The following REV3L variants were observed in gnomAD, a reference collection of about 807,000 sequenced individuals.
The protein encoded by REV3L is REV3 like, DNA directed polymerase zeta catalytic subunit.
Under a neutral mutation model 299.4 loss-of-function variants are expected in REV3L, and 69 were observed. That is an observed-to-expected ratio of 0.23 (90% CI 0.19 to 0.28). REV3L has a LOEUF of 0.28. REV3L is among the 10% of genes least tolerant of loss of function. The pLI, the probability that REV3L is intolerant of heterozygous loss-of-function variation, is 1.00. For missense variants in REV3L, 3,128 were observed against 3,693.8 expected, an observed-to-expected ratio of 0.85 and a Z score of 3.97; for synonymous variants, 1,238 against 1,271.4, an observed-to-expected ratio of 0.97 and a Z score of 0.56.
intron 25 of REV3L, among the ~76,000 whole-genome samples, chr6:111,328,940 AT>A (rs1160929831): frequency 9.9e-5 from 15 of 151,942 alleles, no homozygotes; most frequent in South Asian, 4.2e-4. Context: ...TAGTTTTTGC[AT>A]TTTTGGTTAG....
chr6:111,360,410 G>T (rs1778526214), intron 16 of REV3L, among the ~76,000 whole-genome samples: 1 of 150,342 alleles, frequency 6.7e-6, no homozygotes, highest in Non-Finnish European at 1.5e-5. Context: ...TTTTTGTCCT[G>T]ATTGAGTATT....
At chr6:111,357,170 A>C (rs1252848475) in intron 17 of REV3L, 45 bp from the exon 18 acceptor site, 1 of 669,874 alleles carries the variant, frequency 1.5e-6, no homozygotes, top group Non-Finnish European at 2.2e-6. Flanking sequence ...ATTATATAAT[A>C]ATATACCTTC....
intron 1 of REV3L, among the ~76,000 whole-genome samples, chr6:111,461,418 G>C (rs1790762459): frequency 6.6e-6 from 1 of 152,018 alleles, no homozygotes; most frequent in South Asian, 2.1e-4. Flanking sequence ...GTTATTGTAA[G>C]AGAGTAAAAA....
intron 21 of REV3L, among the ~76,000 whole-genome samples, chr6:111,341,516 T>C (rs1776480576): frequency 6.6e-6 from 1 of 152,244 alleles, no homozygotes; most frequent in Non-Finnish European, 1.5e-5. Flanking sequence ...CTATACTTTT[T>C]CCATCCTCAC....
chr6:111,367,714 G>A lies in REV3L; in HGVS notation c.6074C>T (p.Thr2025Ile). 1 of 1,614,196 alleles carries A rather than the reference G, an allele frequency of 6.2e-7. No individual in the cohort carries two copies. The highest frequency in any genetic ancestry group is 1.3e-5 in the African/African-American group (1 of 75,058). Residue 2025 changes from threonine to isoleucine, a missense_variant, in exon 14 of 32, where the codon ACC becomes ATC. This residue lies in a region of REV3L where 2,409 missense variants were observed against 2,611.8 expected (regional missense o/e 0.92). Transcript: ENST00000368802. Reference protein sequence around the residue: ...EYERSKKLPKTKPTGVVKSAE... With the variant: ...EYERSKKLPKIKPTGVVKSAE... ...AGATTTTACAACTCCAGTTGGCTTG[G>A]TTTTAGGCAGTTTCTTGGAACGTTC...
intron 14 of REV3L, among the ~76,000 whole-genome samples, chr6:111,366,845 T>C (rs1333263442): frequency 6.6e-6 from 1 of 152,096 alleles, no homozygotes; most frequent in Non-Finnish European, 1.5e-5. Context: ...CCTGGGTATG[T>C]ATAAAAGCCA....
In REV3L at chr6:111,322,639, C is replaced by T. The variant is rs1228810673; in HGVS notation, c.8281G>A (p.Glu2761Lys). The stretch of plus-strand genomic sequence containing the variant: ...TCATTCACCAGTTTAATAGCTCGTT[C>T]CAAGGTCTCTCTGGCTTTGTGAACA... The part of the protein sequence containing the change: ...SIVHKARETL[E>K]RAIKLVNDTK... The change falls in exon 26 of 32, where the codon GAA becomes AAA. Residue 2761 changes from glutamate to lysine, a missense_variant. Physicochemically the swap from Glu to Lys is moderately conservative, Grantham distance 56 (BLOSUM62 1). Around this residue, in one of 9 missense-constraint regions of REV3L, gnomAD observed 37 missense variants for 100.1 expected, o/e 0.37. Transcript: ENST00000368802. 6.2e-7 allele frequency: 1 copy of T among 1,614,108 alleles called. No homozygotes were observed. The highest frequency in any genetic ancestry group is 1.1e-5 in the South Asian group (1 of 91,072).
At chr6:111,327,457 G>A (rs1461507000) in intron 25 of REV3L, among the ~76,000 whole-genome samples, 1 of 152,040 alleles carries the variant, frequency 6.6e-6, no homozygotes, top group Non-Finnish European at 1.5e-5. Flanking sequence ...TGGAGGCAGA[G>A]GTGGGAGGAT....
At chr6:111,301,032 G>T (rs538431190) in intron 31 of REV3L, among the ~76,000 whole-genome samples, 4 of 152,248 alleles carry the variant, frequency 2.6e-5, no homozygotes, top group African/African-American at 9.6e-5. Context: ...TCTTTTCTCA[G>T]CAAGGAATAA....
At chr6:111,369,285 A>C (rs1779545203) in intron 13 of REV3L, among the ~76,000 whole-genome samples, 1 of 150,066 alleles carries the variant, frequency 6.7e-6, no homozygotes, top group South Asian at 2.1e-4. Context: ...CTGTCTCAAA[A>C]AAAAAAAAAA....
At chr6:111,336,062 C>A (rs1377268244) in intron 21 of REV3L, among the ~76,000 whole-genome samples, 42 of 143,786 alleles carry the variant, frequency 2.9e-4, no homozygotes, top group South Asian at 4.3e-4. Context: ...ATGTTCATGG[C>A]AAAAAAAAAA....
intron 1 of REV3L, among the ~76,000 whole-genome samples, chr6:111,424,264 A>G (rs1268055336): frequency 6.6e-6 from 1 of 152,216 alleles, no homozygotes; most frequent in East Asian, 1.9e-4. Context: ...CAGTGGAAAT[A>G]TAAGAGATAG....
intron 12 of REV3L, among the ~76,000 whole-genome samples, chr6:111,377,345 A>ATTG (rs1780418313): frequency 7.8e-6 from 1 of 128,498 alleles, no homozygotes; most frequent in Non-Finnish European, 1.8e-5. Flanking sequence ...TTTATTTATT[A>ATTG]TTTTTTTTGG....
rs1314842656 is a variant in REV3L, at chr6:111,376,393, G to A, written c.1962C>T (p.Ser654=). The A allele has an allele frequency of 1.2e-6, 2 of 1,613,264 alleles. No individual in the cohort carries two copies. Among genetic ancestry groups the A allele is most frequent in the Admixed American group, 3.3e-5 (2 of 59,944 alleles). ...CATAATCAAAAATACTACTTTCACA[G>A]GAAGATACTGGGAGGATCTCTTTCT... is the stretch of plus-strand genomic sequence containing the variant. The part of the protein sequence containing the change: ...NSKKEILPVS[S]CESSIFDYEE... The change falls in exon 13 of 32, where the codon TCC becomes TCT. Residue 654 remains serine (S), a synonymous_variant. Transcript: ENST00000368802.
intron 31 of REV3L, among the ~76,000 whole-genome samples, chr6:111,303,387 A>G (rs1771837796): frequency 7.3e-6 from 1 of 137,076 alleles, no homozygotes; most frequent in Non-Finnish European, 1.6e-5. Flanking sequence ...TTATTTTTGA[A>G]ATGGAGTCTC....
intron 1 of REV3L, among the ~76,000 whole-genome samples, chr6:111,448,858 T>A (rs1365740051): frequency 6.8e-6 from 1 of 148,030 alleles, no homozygotes; most frequent in Non-Finnish European, 1.5e-5. Flanking sequence ...CTCTAACTCC[T>A]GCTTGAGGAG....
At chr6:111,477,389 G>A (rs1793064627) in intron 1 of REV3L, among the ~76,000 whole-genome samples, 1 of 152,232 alleles carries the variant, frequency 6.6e-6, no homozygotes, top group Non-Finnish European at 1.5e-5. Flanking sequence ...CAACACATAT[G>A]AAATTACAAT....
At chr6:111,450,515 C>T (rs1381899520) in intron 1 of REV3L, among the ~76,000 whole-genome samples, 2 of 88,534 alleles carry the variant, frequency 2.3e-5, no homozygotes, top group African/African-American at 9.1e-5. Context: ...AACCAAAAAA[C>T]ATTAGTATCC....
intron 21 of REV3L, among the ~76,000 whole-genome samples, chr6:111,342,582 G>A (rs2114897271): frequency 6.6e-6 from 1 of 151,948 alleles, no homozygotes; most frequent in East Asian, 1.9e-4. Context: ...GCAGGAGAAT[G>A]GCGTGAACTC....
Sources: gnomAD v4.1 joint callset for allele counts (sites outside exome capture counted in the v4.1 genomes callset) on GRCh38, gnomAD v4.1.1 for gene constraint, gnomAD v4.1.1 regional missense constraint, MANE v1.5 for transcripts, NCBI Gene and HGNC (gene_info 2026-07-23, HGNC 2026-07-21) for gene names.